PPM1H: variants seen among roughly 807,000 people sequenced by gnomAD.
PPM1H encodes protein phosphatase, Mg2+/Mn2+ dependent 1H, also known as protein phosphatase 1H.
PPM1H carries 27 observed loss-of-function variants against 54.9 expected under a neutral mutation model. The ratio of observed to expected loss-of-function variants is 0.49; its 90% CI spans 0.36 to 0.68. PPM1H has a LOEUF of 0.68. Ranked by LOEUF, PPM1H falls within the 30% of genes least tolerant of loss-of-function variation. The pLI is 0.00. For missense variants in PPM1H, 596 were observed against 667.8 expected (o/e 0.89, Z 1.19); for synonymous variants, 305 against 270.8 (o/e 1.13, Z -1.24).
chr12:62,698,666 C>T (rs2076126946), intron 6 of PPM1H, among the ~76,000 whole-genome samples: 1 of 151,862 alleles, frequency 6.6e-6, no homozygotes, highest in East Asian at 1.9e-4. Flanking sequence ...TGATTTGGGC[C>T]TTGCATTTTT....
At chr12:62,796,041 G>C (rs599170) in intron 3 of PPM1H, among the ~76,000 whole-genome samples, 45,752 of 152,090 alleles carry the variant, frequency 0.3, 8,070 homozygotes, top group African/African-American at 0.49. Context: ...AAGATCTTAT[G>C]TTTTACTTCC....
At position 62,797,369 on chromosome 12, in the gene PPM1H, G is replaced by A. The variant is rs550988516; in HGVS notation, c.756+4447C>T. Among the ~76,000 whole-genome samples, 4 of 152,228 alleles carry A rather than the reference G, an allele frequency of 2.6e-5. No individual in the cohort carries two copies. The East Asian group carries it at 5.8e-4, about 22-fold the overall frequency. On this transcript the variant is annotated intron_variant, in intron 3 of 9. Transcript: ENST00000228705. ...GAGAAGGCAAGAGAGCCACAAAGCT[G>A]AAATGCCTATATGACAACTCTTACT...
intron 4 of PPM1H, among the ~76,000 whole-genome samples, chr12:62,766,461 T>C (rs2076544091): frequency 6.6e-6 from 1 of 152,046 alleles, no homozygotes; most frequent in African/African-American, 2.4e-5. Flanking sequence ...CCCTTGCGCT[T>C]ATTAGAAGTG....
chr12:62,785,393 G>A (rs1047482820), intron 4 of PPM1H, among the ~76,000 whole-genome samples: 5 of 152,196 alleles, frequency 3.3e-5, no homozygotes, highest in African/African-American at 9.7e-5. Flanking sequence ...TGTCCAGGAT[G>A]GTCTCGATCT....
intron 9 of PPM1H, among the ~76,000 whole-genome samples, chr12:62,659,608 G>A (rs1385087762): frequency 6.6e-6 from 1 of 152,094 alleles, no homozygotes; most frequent in African/African-American, 2.4e-5. Context: ...TCACTAGGAG[G>A]TAAAAGAAAA....
chr12:62,687,375 C>T (rs143484114), intron 8 of PPM1H, among the ~76,000 whole-genome samples: 33 of 152,290 alleles, frequency 2.2e-4, no homozygotes, highest in African/African-American at 7.9e-4. Context: ...TCAAGCAATC[C>T]TCTCACCTCA....
chr12:62,781,470 C>T (rs1357329005), intron 4 of PPM1H, among the ~76,000 whole-genome samples: 2 of 152,050 alleles, frequency 1.3e-5, no homozygotes, highest in Non-Finnish European at 2.9e-5. Flanking sequence ...ACGCTTTGGC[C>T]CTCAGGCCAG....
intron 1 of PPM1H, among the ~76,000 whole-genome samples, chr12:62,923,463 G>A (rs538726994): frequency 5.0e-4 from 76 of 152,136 alleles, no homozygotes; most frequent in African/African-American, 1.6e-3. Flanking sequence ...GTGCAATGGC[G>A]CGATCTCGGC....
chr12:62,934,514 G>T lies in PPM1H; in HGVS notation c.223C>A (p.Pro75Thr). 6.5e-7 allele frequency: 1 copy of T among 1,547,884 alleles called. No individual in the cohort carries two copies. Among genetic ancestry groups the T allele is most frequent in the South Asian group, 1.2e-5 (1 of 83,954 alleles). The change falls in exon 1 of 10, where the codon CCC becomes ACC. Residue 75 changes from proline to threonine, a missense_variant. By Grantham distance (38) the Pro-to-Thr change is conservative. Coordinates refer to ENST00000228705, the MANE Select transcript of PPM1H (RefSeq NM_020700.2). This position sits in a 1 kb window ranked among gnomAD's most constrained non-coding sequence, Gnocchi z 4.2. ...CACTCTGCGTAGCCAGTGGCCCAGG[G>T]CAGCCGCCGAGTCTCCTTGAGGATG... Reference protein sequence around the residue: ...ILILKETRRLPWATGYAEVIN... With the variant: ...ILILKETRRLTWATGYAEVIN...
At chr12:62,653,790 A>G (rs1022347836) in intron 9 of PPM1H, among the ~76,000 whole-genome samples, 1 of 152,158 alleles carries the variant, frequency 6.6e-6, no homozygotes, top group Non-Finnish European at 1.5e-5. Flanking sequence ...CCACAGGAGT[A>G]GTATTGTTAG....
intron 8 of PPM1H, among the ~76,000 whole-genome samples, chr12:62,672,251 G>A (rs1251310018): frequency 4.7e-4 from 71 of 152,292 alleles, no homozygotes; most frequent in Non-Finnish European, 2.1e-4. Context: ...TATTGCTTTT[G>A]CGAGAGCAAC....
intron 1 of PPM1H, among the ~76,000 whole-genome samples, chr12:62,861,800 C>T (rs928378442): frequency 1.6e-4 from 25 of 152,298 alleles, no homozygotes; most frequent in Admixed American, 5.9e-4. Context: ...AGCTGGAGAG[C>T]ATGTGTCCCT....
chr12:62,670,705 T>C (rs370475167), intron 8 of PPM1H, among the ~76,000 whole-genome samples: 92 of 152,324 alleles, frequency 6.0e-4, no homozygotes, highest in African/African-American at 2.1e-3. Flanking sequence ...CCGTTCCCAT[T>C]TCTATGCTCG....
At chr12:62,917,179 A>G (rs1403302466) in intron 1 of PPM1H, among the ~76,000 whole-genome samples, 3 of 152,270 alleles carry the variant, frequency 2.0e-5, no homozygotes, top group Non-Finnish European at 2.9e-5. Flanking sequence ...AGGGCCACGT[A>G]TAAGTACAAA....
At chr12:62,813,199 T>G (rs1416449235) in intron 2 of PPM1H, among the ~76,000 whole-genome samples, 1 of 150,628 alleles carries the variant, frequency 6.6e-6, no homozygotes, top group Admixed American at 6.6e-5. Context: ...AGCCAAGGAG[T>G]GGGGTTTGAG....
chr12:62,901,984 T>C (rs1871172875), intron 1 of PPM1H, among the ~76,000 whole-genome samples: 1 of 152,190 alleles, frequency 6.6e-6, no homozygotes, highest in Admixed American at 6.5e-5. Context: ...AAATAATCCA[T>C]CTGAAACATG....
At chr12:62,866,640 A>C (rs1869785908) in intron 1 of PPM1H, among the ~76,000 whole-genome samples, 1 of 152,150 alleles carries the variant, frequency 6.6e-6, no homozygotes, top group Non-Finnish European at 1.5e-5. Flanking sequence ...GCACCAGTCA[A>C]ATCTTCAGAT....
rs1207841879 is a variant in PPM1H, at chr12:62,744,689, CT to C, written c.870-7104del. ...GCCTGACCACAGGCCATTACAAAGG[CT>C]CTGCCCAGCAGGCCTCACGGGGGAA... On this transcript the variant is annotated intron_variant, in intron 4 of 9. Transcript: ENST00000228705. Among the ~76,000 whole-genome samples the C allele has an allele frequency of 2.0e-5, 3 of 152,186 alleles. No homozygotes were observed. The East Asian group carries it at 5.8e-4, about 29-fold the overall frequency.
chr12:62,905,422 G>A (rs764136792), intron 1 of PPM1H, among the ~76,000 whole-genome samples: 1 of 152,086 alleles, frequency 6.6e-6, no homozygotes, highest in Non-Finnish European at 1.5e-5. Context: ...GACAATGTGG[G>A]CATCAAAAAT....
Sources: allele counts gnomAD v4.1 joint callset (sites outside exome capture counted in the v4.1 genomes callset), GRCh38; gene constraint gnomAD v4.1.1; non-coding constraint Gnocchi (gnomAD v3.1); transcripts MANE v1.5; gene names NCBI Gene and HGNC (gene_info 2026-07-23, HGNC 2026-07-21).